ST6GALNAC3: variants seen among roughly 807,000 people sequenced by gnomAD.
ST6GALNAC3 encodes the protein ST6 N-acetylgalactosaminide alpha-2,6-sialyltransferase 3.
Under a neutral mutation model 32.7 loss-of-function variants are expected in ST6GALNAC3, and 25 were observed. The ratio of observed to expected loss-of-function variants is 0.76; its 90% confidence interval spans 0.56 to 1.07. The LOEUF (loss-of-function observed/expected upper bound fraction) is 1.07, where lower values mean the gene tolerates loss of function less well. ST6GALNAC3 is among the 50% of genes least tolerant of loss of function. The pLI is 0.00. For synonymous variants in ST6GALNAC3, 129 were observed against 133.1 expected, an observed-to-expected ratio of 0.97 and a Z score of 0.21; for missense variants, 355 against 382.4, an observed-to-expected ratio of 0.93 and a Z score of 0.60.
chr1:76,204,937 T>G lies in ST6GALNAC3; in HGVS notation c.19-108868T>G, dbSNP rs2783986. Among the ~76,000 whole-genome samples, 8 of 152,332 alleles carry G rather than the reference T, an allele frequency of 5.3e-5. No individual in the cohort carries two copies. In the South Asian group the frequency reaches 1.5e-3, roughly 28 times the overall value. ...TCGCAGACTTAGATGAATTGATATA[T>G]GCAAATGTGCTTAGGAAAATGCCAT... On this transcript the variant is annotated intron_variant, in intron 1 of 4. Coordinates refer to ENST00000328299, the MANE Select transcript of ST6GALNAC3 (RefSeq NM_152996.4).
intron 3 of ST6GALNAC3, among the ~76,000 whole-genome samples, chr1:76,518,890 C>A (rs2101782108): frequency 6.6e-6 from 1 of 152,118 alleles, no homozygotes. Context: ...CATGGTGAAA[C>A]CCTGTCTCTA....
intron 3 of ST6GALNAC3, among the ~76,000 whole-genome samples, chr1:76,564,433 TCCCACAGCAAA>T (rs1557577094): frequency 6.6e-6 from 1 of 152,086 alleles, no homozygotes; most frequent in African/African-American, 2.4e-5. Flanking sequence ...TTCAAAAGAA[TCCCACAGCAAA>T]TGACTGCAAC....
At chr1:76,623,299 G>A (rs36116523) in intron 3 of ST6GALNAC3, among the ~76,000 whole-genome samples, 17,271 of 151,922 alleles carry the variant, frequency 0.11, 1,348 homozygotes, top group Admixed American at 0.22. Flanking sequence ...GAGCAGCAGG[G>A]TGCAGAGCCT....
intron 1 of ST6GALNAC3, among the ~76,000 whole-genome samples, chr1:76,084,772 CG>C (rs1646943645): frequency 6.6e-6 from 1 of 151,954 alleles, no homozygotes; most frequent in Non-Finnish European, 1.5e-5. Context: ...TGCTCCAACT[CG>C]TTGTCCTAGA....
chr1:76,467,427 GA>G (rs1431902189), intron 3 of ST6GALNAC3, among the ~76,000 whole-genome samples: 2 of 151,900 alleles, frequency 1.3e-5, no homozygotes, highest in Non-Finnish European at 2.9e-5. Context: ...ATTGCATAGG[GA>G]AAAAAGAAAA....
chr1:76,114,047 TG>T (rs1648287865), intron 1 of ST6GALNAC3, among the ~76,000 whole-genome samples: 1 of 150,948 alleles, frequency 6.6e-6, no homozygotes, highest in South Asian at 2.1e-4. Context: ...CTCGCCATGT[TG>T]GCCAGGCTGG....
chr1:76,137,410 T>G (rs1263043414), intron 1 of ST6GALNAC3, among the ~76,000 whole-genome samples: 1 of 152,158 alleles, frequency 6.6e-6, no homozygotes, highest in Non-Finnish European at 1.5e-5. Flanking sequence ...TTCTGCGCAG[T>G]CAGTGTGTTA....
intron 1 of ST6GALNAC3, among the ~76,000 whole-genome samples, chr1:76,279,986 TC>T (rs1659404527): frequency 2.9e-5 from 1 of 34,510 alleles, no homozygotes; most frequent in Non-Finnish European, 5.1e-5. Flanking sequence ...CTCCTGTCTC[TC>T]TCCTGTCTTT....
intron 3 of ST6GALNAC3, among the ~76,000 whole-genome samples, chr1:76,536,271 G>A (rs903237428): frequency 6.6e-6 from 1 of 152,136 alleles, no homozygotes; most frequent in African/African-American, 2.4e-5. Flanking sequence ...CTTACATGAT[G>A]TCTTAGTCTG....
intron 2 of ST6GALNAC3, among the ~76,000 whole-genome samples, chr1:76,325,424 A>G (rs1320153107): frequency 6.6e-6 from 1 of 152,090 alleles, no homozygotes; most frequent in African/African-American, 2.4e-5. Flanking sequence ...ACACACTATA[A>G]CAGTTTTTTC....
rs187847962 is a variant in ST6GALNAC3 at position 76,523,589 on chromosome 1, G to A, written c.624-103863G>A. ...TTGATTAAGATTCAGTCTATCTTTGGTTTCCTTTGTCTGTAGTCTGGAGAT... is the reference window on the plus strand; with the variant it reads ...TTGATTAAGATTCAGTCTATCTTTGATTTCCTTTGTCTGTAGTCTGGAGAT... On this transcript the variant is annotated intron_variant, in intron 3 of 4. Transcript: ENST00000328299. Among the ~76,000 whole-genome samples the A allele has an allele frequency of 7.2e-5, 11 of 152,208 alleles. 1 individual carries two copies. In the East Asian group the frequency reaches 1.9e-3, roughly 27 times the overall value.
At chr1:76,342,748 A>C (rs901792697) in intron 2 of ST6GALNAC3, among the ~76,000 whole-genome samples, 1 of 151,168 alleles carries the variant, frequency 6.6e-6, no homozygotes, top group Admixed American at 6.6e-5. Context: ...TGTTTTTTTT[A>C]ATTTTTTATA....
At chr1:76,531,385 C>T (rs1045564591) in intron 3 of ST6GALNAC3, among the ~76,000 whole-genome samples, 1 of 152,156 alleles carries the variant, frequency 6.6e-6, no homozygotes, top group East Asian at 1.9e-4. Flanking sequence ...GTAAACATCA[C>T]GGGAACTACA....
chr1:76,173,482 A>T (rs1652654856), intron 1 of ST6GALNAC3, among the ~76,000 whole-genome samples: 1 of 152,230 alleles, frequency 6.6e-6, no homozygotes, highest in East Asian at 1.9e-4. Flanking sequence ...AAAATTGACA[A>T]ATGGAATCTA....
chr1:76,239,768 A>G (rs1294836911), intron 1 of ST6GALNAC3, among the ~76,000 whole-genome samples: 1 of 152,196 alleles, frequency 6.6e-6, no homozygotes, highest in Non-Finnish European at 1.5e-5. Context: ...ATATCAGAGG[A>G]GCACTGAATT....
chr1:76,540,506 A>G (rs1311012299), intron 3 of ST6GALNAC3, among the ~76,000 whole-genome samples: 1 of 152,180 alleles, frequency 6.6e-6, no homozygotes, highest in Non-Finnish European at 1.5e-5. Flanking sequence ...TTAAAAATGG[A>G]AATTTGTTTT....
intron 1 of ST6GALNAC3, among the ~76,000 whole-genome samples, chr1:76,172,556 T>C (rs1281515064): frequency 4.6e-5 from 7 of 151,494 alleles, no homozygotes. Flanking sequence ...TGTCTCTATT[T>C]ACAGATGACA....
chr1:76,457,893 TTAAAC>T (rs1657960250), intron 3 of ST6GALNAC3, among the ~76,000 whole-genome samples: 1 of 150,486 alleles, frequency 6.6e-6, no homozygotes, highest in South Asian at 2.1e-4. Flanking sequence ...TGGGATCTAA[TTAAAC>T]TAAAGAGCTT....
chr1:76,298,453 G>A (rs192410377), intron 1 of ST6GALNAC3, among the ~76,000 whole-genome samples: 84 of 152,074 alleles, frequency 5.5e-4, no homozygotes, highest in Admixed American at 9.8e-4. Context: ...AAGCACCCTC[G>A]GGCAAATTTT....
Sources: gnomAD v4.1 joint callset for allele counts (sites outside exome capture counted in the v4.1 genomes callset) on GRCh38, gnomAD v4.1.1 for gene constraint, MANE v1.5 for transcripts, NCBI Gene and HGNC (gene_info 2026-07-23, HGNC 2026-07-21) for gene names.